TMEFF2: variants seen among roughly 807,000 people sequenced by gnomAD.
TMEFF2 encodes transmembrane protein with EGF like and two follistatin like domains 2.
A neutral mutation model predicts 53.8 loss-of-function variants in TMEFF2; 28 were observed. That is an observed-to-expected ratio of 0.52 (90% CI 0.39 to 0.71). TMEFF2 has a LOEUF of 0.71. Among genes scored for constraint, TMEFF2 ranks in the 30% least tolerant of loss-of-function variants. TMEFF2 has a pLI of 0.00. For missense variants in TMEFF2, 353 were observed against 455.2 expected (o/e 0.78, Z 2.04); for synonymous variants, 162 against 166.3 (o/e 0.97, Z 0.20).
chr2:191,972,146 TTG>T (rs1206615410), intron 7 of TMEFF2, among the ~76,000 whole-genome samples: 2 of 31,184 alleles, frequency 6.4e-5, no homozygotes, highest in African/African-American at 2.0e-4. Flanking sequence ...TAGTGTTTTT[TTG>T]TTTTTTTTTT....
At chr2:192,000,220 G>A (rs1292170593) in intron 5 of TMEFF2, among the ~76,000 whole-genome samples, 2 of 151,836 alleles carry the variant, frequency 1.3e-5, no homozygotes, top group African/African-American at 4.8e-5. Context: ...TGTTGTTTTT[G>A]TAAATAGATT....
At chr2:192,112,548 G>C (rs115196767) in intron 4 of TMEFF2, among the ~76,000 whole-genome samples, 1 of 152,122 alleles carries the variant, frequency 6.6e-6, no homozygotes, top group Non-Finnish European at 1.5e-5. Flanking sequence ...CCTTGTCTCC[G>C]ATGAGACTTT....
At chr2:191,964,229 T>TTTCC (rs138916856) in intron 7 of TMEFF2, among the ~76,000 whole-genome samples, 15 of 140,800 alleles carry the variant, frequency 1.1e-4, no homozygotes, top group African/African-American at 3.8e-4. Flanking sequence ...TCTGTCTTTC[T>TTTCC]TTCCTTCCTT....
At position 191,975,520 on chromosome 2, in the gene TMEFF2, C is replaced by T. The variant is rs114248190; in HGVS notation, c.746-19142G>A. Reference sequence around the variant, plus strand: ...AATGTTACTGAGTGTATTTCCATGTCCCAGGAGCTTGGCAATTTTTTTCTA... The same window carrying T: ...AATGTTACTGAGTGTATTTCCATGTTCCAGGAGCTTGGCAATTTTTTTCTA... On this transcript the variant is annotated intron_variant, in intron 7 of 9. Coordinates refer to ENST00000272771, the MANE Select transcript of TMEFF2 (RefSeq NM_016192.4). Among the ~76,000 whole-genome samples, 843 of 151,612 alleles carry T rather than the reference C, an allele frequency of 5.6e-3. 15 individuals carry two copies. The highest frequency in any genetic ancestry group is 0.019 in the African/African-American group (794 of 41,476).
intron 4 of TMEFF2, among the ~76,000 whole-genome samples, chr2:192,099,461 T>C (rs1688984902): frequency 6.6e-6 from 1 of 152,170 alleles, no homozygotes; most frequent in South Asian, 2.1e-4. Context: ...CTTTTGCATA[T>C]AGATTTCTTG....
At chr2:192,109,328 T>G (rs1037654490) in intron 4 of TMEFF2, among the ~76,000 whole-genome samples, 1 of 152,130 alleles carries the variant, frequency 6.6e-6, no homozygotes, top group African/African-American at 2.4e-5. Flanking sequence ...TGCAATCTAC[T>G]GCAAGTGAAA....
chr2:192,170,983 A>G (rs569989959), intron 4 of TMEFF2, among the ~76,000 whole-genome samples: 1 of 152,210 alleles, frequency 6.6e-6, no homozygotes, highest in African/African-American at 2.4e-5. Context: ...ATATCCTATA[A>G]TATGTATTGT....
intron 7 of TMEFF2, among the ~76,000 whole-genome samples, chr2:191,988,981 G>A (rs766722024): frequency 5.3e-5 from 8 of 152,110 alleles, no homozygotes; most frequent in Non-Finnish European, 1.0e-4. Flanking sequence ...TAGCATAAAT[G>A]CTGATCTACC....
chr2:192,008,373 C>T (rs989624940), intron 5 of TMEFF2, among the ~76,000 whole-genome samples: 8 of 152,180 alleles, frequency 5.3e-5, no homozygotes, highest in African/African-American at 1.2e-4. Context: ...TCATAGGTCA[C>T]GATTGCCTTT....
At chr2:192,134,266 C>G in intron 4 of TMEFF2, among the ~76,000 whole-genome samples, 1 of 152,192 alleles carries the variant, frequency 6.6e-6, no homozygotes, top group Non-Finnish European at 1.5e-5. Flanking sequence ...GACTTCAATA[C>G]AGCCTCCCAC....
intron 2 of TMEFF2, among the ~76,000 whole-genome samples, chr2:192,186,664 T>C (rs1170345894): frequency 2.6e-5 from 4 of 152,168 alleles, no homozygotes; most frequent in African/African-American, 7.2e-5. Context: ...CATCTCATGC[T>C]TGAGGCCTGG....
intron 4 of TMEFF2, among the ~76,000 whole-genome samples, chr2:192,118,243 A>G (rs1360031295): frequency 6.6e-6 from 1 of 152,126 alleles, no homozygotes; most frequent in Non-Finnish European, 1.5e-5. Flanking sequence ...TTGGTAACAG[A>G]TGGATATGCC....
chr2:192,071,003 G>A (rs1477984219), intron 4 of TMEFF2, among the ~76,000 whole-genome samples: 2 of 150,470 alleles, frequency 1.3e-5, no homozygotes, highest in Non-Finnish European at 3.0e-5. Flanking sequence ...GCATGTAATT[G>A]CAAGTTGCAG....
chr2:192,158,237 T>A (rs1690551602), intron 4 of TMEFF2, among the ~76,000 whole-genome samples: 1 of 152,114 alleles, frequency 6.6e-6, no homozygotes, highest in African/African-American at 2.4e-5. Flanking sequence ...GGAATGATGG[T>A]ATTACTGTTC....
At chr2:191,963,692 C>T (rs1477250263) in intron 7 of TMEFF2, among the ~76,000 whole-genome samples, 1 of 152,168 alleles carries the variant, frequency 6.6e-6, no homozygotes, top group African/African-American at 2.4e-5. Context: ...TCTTGAGTAG[C>T]TATTATGTGT....
chr2:192,150,163 G>C (rs1057377761), intron 4 of TMEFF2, among the ~76,000 whole-genome samples: 2 of 151,906 alleles, frequency 1.3e-5, no homozygotes, highest in African/African-American at 4.8e-5. Context: ...AGATGTTTTA[G>C]ATTTTTTAAA....
At chr2:192,069,618 G>A (rs946344943) in intron 4 of TMEFF2, among the ~76,000 whole-genome samples, 5 of 151,664 alleles carry the variant, frequency 3.3e-5, no homozygotes, top group Non-Finnish European at 7.4e-5. Flanking sequence ...GTCTGCTTAC[G>A]AAACCATTAG....
chr2:192,102,746 T>C (rs996047868), intron 4 of TMEFF2, among the ~76,000 whole-genome samples: 1 of 151,300 alleles, frequency 6.6e-6, no homozygotes, highest in African/African-American at 2.4e-5. Context: ...AATTTTTGTA[T>C]TTTTACTAGA....
chr2:192,178,810 T>A (rs1432145426), intron 4 of TMEFF2: 2 of 151,422 alleles, frequency 1.3e-5, no homozygotes, highest in East Asian at 3.9e-4. Flanking sequence ...ATTTAATTAT[T>A]TTACACAACT....
Sources: allele counts gnomAD v4.1 joint callset (sites outside exome capture counted in the v4.1 genomes callset), GRCh38; gene constraint gnomAD v4.1.1; transcripts MANE v1.5; gene names NCBI Gene and HGNC (gene_info 2026-07-23, HGNC 2026-07-21).